OR4F5: variants seen among roughly 807,000 people sequenced by gnomAD.
The protein encoded by OR4F5 is olfactory receptor family 4 subfamily F member 5, also known as olfactory receptor 4F5.
OR4F5 carries 1 observed loss-of-function variant against 5.8 expected under a neutral mutation model. That is an observed-to-expected ratio of 0.17 (90% confidence interval 0.06 to 0.82). The LOEUF (loss-of-function observed/expected upper bound fraction) is 0.82. Among genes scored for constraint, OR4F5 ranks in the 40% least tolerant of loss-of-function variants. The pLI, the probability that OR4F5 is intolerant of heterozygous loss-of-function variation, is 0.72. For synonymous variants in OR4F5, 18 were observed against 63.7 expected (o/e 0.28, Z 3.42); for missense variants, 47 against 175.5 (o/e 0.27, Z 4.14).
At position 66,381 on chromosome 1, in the gene OR4F5, T is replaced by TATATAATATAATATATATTATATA. The variant is rs1557435669; in HGVS notation, c.9+819_9+842dup. ...TATTATATAAATATAATATATAAAT[T>TATATAATATAATATATATTATATA]ATATAATATAATATATATTATATAA... On this transcript the variant is annotated intron_variant, in intron 2 of 2. Coordinates refer to ENST00000641515, the MANE Select transcript of OR4F5 (RefSeq NM_001005484.2). 7.5e-3 allele frequency among the ~76,000 whole-genome samples: 491 copies of TATATAATATAATATATATTATATA among 65,078 alleles called. 24 individuals are homozygous for TATATAATATAATATATATTATATA. The highest frequency in any genetic ancestry group is 0.016 in the East Asian group (56 of 3,556). The allele number at this position is 65,078 out of a possible 152,430, so 42.7% of individuals were successfully genotyped here. A position where few individuals can be genotyped will look rare whatever the true frequency, so the allele number is the denominator to read the frequency against.
chr1:66,331 A>C (rs186063952), intron 2 of OR4F5, among the ~76,000 whole-genome samples: 3,057 of 43,370 alleles, frequency 0.07, 125 homozygotes, highest in African/African-American at 0.19. Flanking sequence ...AATATAATAT[A>C]TATTTTATTA....
chr1:66,160 T>TTATA (rs201684885), intron 2 of OR4F5, among the ~76,000 whole-genome samples: 1 of 98,062 alleles, frequency 1.0e-5, no homozygotes, highest in East Asian at 2.2e-4. Context: ...CATAAGGCAT[T>TTATA]TATATATATA....
rs1639993198 is a variant in OR4F5 at position 70,938 on chromosome 1, A to C, written c.*930A>C. 1.4e-5 allele frequency: 1 copy of C among 69,048 alleles called. No homozygotes were observed. The highest frequency in any genetic ancestry group is 4.0e-5 in the African/African-American group (1 of 25,090). The allele number at this position is 69,048 out of a possible 1,614,324, so 4.3% of individuals were successfully genotyped here. ...ACTTCGAGACATATTAAGCATGAAT[A>C]AACATTAGATACTATTAAAATCCTA... On this transcript the variant is annotated 3_prime_UTR_variant, in exon 3 of 3. Coordinates refer to ENST00000641515, the MANE Select transcript of OR4F5 (RefSeq NM_001005484.2).
chr1:66,219 A>T (rs181028663), intron 2 of OR4F5, among the ~76,000 whole-genome samples: 3,682 of 58,612 alleles, frequency 0.063, 207 homozygotes, highest in East Asian at 0.29. Flanking sequence ...TATATATATA[A>T]TATATATTAT....
chr1:66,712 A>G (rs1294744193), intron 2 of OR4F5, among the ~76,000 whole-genome samples: 1 of 117,918 alleles, frequency 8.5e-6, no homozygotes, highest in African/African-American at 2.7e-5. Flanking sequence ...CATGGTTGCT[A>G]CAATGAGTGT....
rs1316881014 is a variant in OR4F5, at chr1:68,635, A to G, written c.10-402A>G. Among the ~76,000 whole-genome samples, 5 of 21,250 alleles carry G rather than the reference A, an allele frequency of 2.4e-4. 1 individual carries two copies. The East Asian group carries it at 2.8e-3, about 12-fold the overall frequency. The allele number at this position is 21,250 out of a possible 152,430, so 13.9% of individuals were successfully genotyped here. A position where few individuals can be genotyped will look rare whatever the true frequency, so the allele number is the denominator to read the frequency against. ...GTGATATTATTTTTTCTTTTTTTCT[A>G]TTTTTTATCTTTCATTTCATTTTGG... is the stretch of plus-strand genomic sequence containing the variant. On this transcript the variant is annotated intron_variant, in intron 2 of 2. Coordinates refer to ENST00000641515, the MANE Select transcript of OR4F5 (RefSeq NM_001005484.2).
At position 67,179 on chromosome 1, in the gene OR4F5, C is replaced by G. The variant is rs149952626; in HGVS notation, c.9+1606C>G. Among the ~76,000 whole-genome samples the G allele has an allele frequency of 6.7e-4, 80 of 118,842 alleles. 3 individuals carry two copies. The East Asian group carries it at 0.014, about 20-fold the overall frequency. The allele number at this position is 118,842 out of a possible 152,430, so 78.0% of individuals were successfully genotyped here. A position where few individuals can be genotyped will look rare whatever the true frequency, so the allele number is the denominator to read the frequency against. ...CAGAAATTATCTCACAATAAAAATC[C>G]TATCGTTTGTACTGTCAATGATTAG... On this transcript the variant is annotated intron_variant, in intron 2 of 2. Transcript: ENST00000641515.
At chr1:66,546 AT>A (rs1639950150) in intron 2 of OR4F5, among the ~76,000 whole-genome samples, 1 of 83,122 alleles carries the variant, frequency 1.2e-5, no homozygotes, top group African/African-American at 3.7e-5. Context: ...ATATTTATAT[AT>A]AACATATATT....
In OR4F5 at chr1:68,176, G is replaced by C. The variant is rs1416747089; in HGVS notation, c.10-861G>C. On this transcript the variant is annotated intron_variant, in intron 2 of 2. Transcript: ENST00000641515. ...TCTAAGGTCATTCAGATACATAGTA[G>C]ATAACCCAGGATTTGAACACAGGCC... 3.4e-5 allele frequency among the ~76,000 whole-genome samples: 2 copies of C among 58,526 alleles called. 1 individual carries two copies. The highest frequency in any genetic ancestry group is 1.0e-4 in the Non-Finnish European group (2 of 20,002). 38.4% of individuals were successfully genotyped at this position (58,526 alleles called of 152,430 possible). A position where few individuals can be genotyped will look rare whatever the true frequency, so the allele number is the denominator to read the frequency against.
Position 69,594 on chromosome 1 carries a change from T to C in OR4F5, c.567T>C (p.Asp189=), listed in dbSNP as rs144967600. 470 of 1,044,582 alleles carry C rather than the reference T, an allele frequency of 4.5e-4. 142 individuals carry two copies. The South Asian group carries it at 5.8e-3, about 13-fold the overall frequency. 64.7% of individuals were successfully genotyped at this position (1,044,582 alleles called of 1,614,324 possible). The part of the protein sequence containing the change: ...HLLFCGPNEV[D]SFYCDLPRVI... ...TCTTCTGTGGTCCCAATGAGGTCGA[T>C]AGTTTTTATTGTGACCTTCCTAGGG... is the stretch of plus-strand genomic sequence containing the variant. The change falls in exon 3 of 3, where the codon GAT becomes GAC. Residue 189 remains aspartate, a synonymous_variant. Transcript: ENST00000641515.
At chr1:66,156 G>T (rs1347216127) in intron 2 of OR4F5, among the ~76,000 whole-genome samples, 2 of 93,224 alleles carry the variant, frequency 2.1e-5, no homozygotes, top group Non-Finnish European at 2.3e-5. Flanking sequence ...AGGACATAAG[G>T]CATTTATATA....
chr1:69,610 C>T lies in OR4F5; in HGVS notation c.583C>T (p.Leu195Phe), dbSNP rs376022826. ...PNEVDSFYCD[L>F]PRVIKLACTD... Reference sequence around the variant, plus strand: ...TGAGGTCGATAGTTTTTATTGTGACCTTCCTAGGGTAATCAAACTTGCCTG... The same window carrying T: ...TGAGGTCGATAGTTTTTATTGTGACTTTCCTAGGGTAATCAAACTTGCCTG... The change falls in exon 3 of 3, where the codon CTT becomes TTT. Residue 195 changes from leucine to phenylalanine, a missense_variant. By Grantham distance (22) the Leu-to-Phe change is conservative (BLOSUM62 0). This residue lies in a region of OR4F5 where 7 missense variants were observed against 66.3 expected (regional missense o/e 0.11). Transcript: ENST00000641515. 3.2e-4 allele frequency: 335 copies of T among 1,042,024 alleles called. 61 individuals are homozygous for T. In the East Asian group the frequency reaches 6.8e-3, roughly 21 times the overall value. 64.5% of individuals were successfully genotyped at this position (1,042,024 alleles called of 1,614,324 possible).
chr1:66,431 AT>A (rs1639944615), intron 2 of OR4F5, among the ~76,000 whole-genome samples: 1 of 64,338 alleles, frequency 1.6e-5, no homozygotes. Context: ...TTATATAAAT[AT>A]ATATTATATT....
At chr1:68,306 C>T (rs3020702) in intron 2 of OR4F5, among the ~76,000 whole-genome samples, 6 of 111,756 alleles carry the variant, frequency 5.4e-5, no homozygotes, top group Non-Finnish European at 1.1e-4. Context: ...CAACCTGCAG[C>T]TATTACCTAT....
At chr1:66,045 A>C (rs1639932147) in intron 2 of OR4F5, among the ~76,000 whole-genome samples, 1 of 119,338 alleles carries the variant, frequency 8.4e-6, no homozygotes, top group Non-Finnish European at 1.9e-5. Flanking sequence ...AAAAACAGGA[A>C]AGCTAAGGCC....
chr1:66,312 A>T (rs866948932), intron 2 of OR4F5, among the ~76,000 whole-genome samples: 17 of 19,724 alleles, frequency 8.6e-4, no homozygotes, highest in East Asian at 2.0e-3. Context: ...ATATAATATA[A>T]ATTATATAAA....
intron 2 of OR4F5, among the ~76,000 whole-genome samples, chr1:68,215 G>A (rs1639964827): frequency 1.1e-5 from 1 of 87,342 alleles, no homozygotes. Flanking sequence ...TAGCACACAA[G>A]CTCATATCTT....
chr1:66,295 A>T (rs1179402591), intron 2 of OR4F5, among the ~76,000 whole-genome samples: 2 of 26,644 alleles, frequency 7.5e-5, no homozygotes, highest in African/African-American at 2.3e-4. Context: ...TATAATATAT[A>T]ATATAAATAT....
intron 2 of OR4F5, among the ~76,000 whole-genome samples, chr1:66,400 T>C (rs1377351114): frequency 2.1e-5 from 1 of 48,322 alleles, no homozygotes; most frequent in Non-Finnish European, 4.6e-5. Context: ...TAATATATAT[T>C]ATATAATATA....
Sources: gnomAD v4.1 joint callset for allele counts (sites outside exome capture counted in the v4.1 genomes callset) on GRCh38, gnomAD v4.1.1 for gene constraint, gnomAD v4.1.1 regional missense constraint, MANE v1.5 for transcripts, NCBI Gene and HGNC (gene_info 2026-07-23, HGNC 2026-07-21) for gene names.